BCR: variants seen among roughly 807,000 people sequenced by gnomAD.
BCR encodes breakpoint cluster region protein.
In BCR, 58 loss-of-function variants were observed where a neutral mutation model predicts 138.6. The observed-to-expected ratio is 0.42, with a 90% CI of 0.34 to 0.52. The LOEUF is 0.52. Among genes scored for constraint, BCR ranks in the 20% least tolerant of loss-of-function variants. BCR has a pLI of 0.06. For missense variants in BCR, 1,599 were observed against 1,727.2 expected (o/e 0.93, Z 1.32); for synonymous variants, 786 against 730.1 (o/e 1.08, Z -1.23).
At chr22:23,209,558 T>TATTTTA (rs1166774415) in intron 1 of BCR, among the ~76,000 whole-genome samples, 1 of 151,758 alleles carries the variant, frequency 6.6e-6, no homozygotes, top group African/African-American at 2.4e-5. Flanking sequence ...TATTTTATTT[T>TATTTTA]TTTGAGATGG....
At chr22:23,273,244 C>A in intron 7 of BCR, 111 bp downstream of exon 7, 1 of 1,207,040 alleles carries the variant, frequency 8.3e-7, no homozygotes, top group Non-Finnish European at 1.2e-6. Flanking sequence ...CAAGGGGGTG[C>A]TACTGGCATC....
At chr22:23,215,248 G>A (rs766113492) in intron 1 of BCR, among the ~76,000 whole-genome samples, 7 of 152,196 alleles carry the variant, frequency 4.6e-5, no homozygotes, top group Non-Finnish European at 8.8e-5. Context: ...ATGGACACCT[G>A]GCTTGTTTCT....
intron 1 of BCR, among the ~76,000 whole-genome samples, chr22:23,234,308 T>C (rs1200326891): frequency 2.0e-5 from 3 of 152,186 alleles, no homozygotes; most frequent in Non-Finnish European, 4.4e-5. Flanking sequence ...TGTGAAGTTA[T>C]TTACTTCATC....
In BCR at chr22:23,305,220, CTG is replaced by C. The variant is rs576599251; in HGVS notation, c.3013-4203_3013-4202del. 1.8e-3 allele frequency among the ~76,000 whole-genome samples: 274 copies of C among 149,506 alleles called. 4 individuals carry two copies. Among genetic ancestry groups the C allele is most frequent in the African/African-American group, 6.4e-3 (258 of 40,164 alleles). On this transcript the variant is annotated intron_variant, in intron 16 of 22. Transcript: ENST00000305877. The stretch of plus-strand genomic sequence containing the variant: ...CTCTCCTGGTGAACACAGAGGTTCT[CTG>C]GTGGTCTCAGCAAAGACCCACCCCC...
At position 23,237,057 on chromosome 22, in the gene BCR, G is replaced by A. The variant is rs544309580; in HGVS notation, c.1280-16742G>A. The stretch of plus-strand genomic sequence containing the variant: ...CTCTGAGAGCCTTTCCGGTTGCCAC[G>A]GTTCTCCCAGGATCGTGGAGTTCTT... On this transcript the variant is annotated intron_variant, in intron 1 of 22. Transcript: ENST00000305877. Among the ~76,000 whole-genome samples the A allele has an allele frequency of 4.6e-5, 7 of 152,338 alleles. No individual in the cohort carries two copies. The South Asian group carries it at 6.2e-4, about 14-fold the overall frequency.
Position 23,284,277 on chromosome 22 carries a change from G to T in BCR, c.2237+179G>T, listed in dbSNP as rs2073684181. On this transcript the variant is annotated intron_variant, in intron 9 of 22. Transcript: ENST00000305877. ...ACTAGCAATCTGGAGACGTCATGGG[G>T]CATCAGGGTGACCAGCTTTGACTCC... 2.0e-5 allele frequency among the ~76,000 whole-genome samples: 3 copies of T among 152,028 alleles called. No homozygotes were observed. The South Asian group carries it at 6.2e-4, about 32-fold the overall frequency.
intron 4 of BCR, 73 bp downstream of exon 4, chr22:23,261,613 G>A: frequency 6.5e-7 from 1 of 1,529,468 alleles, no homozygotes; most frequent in Non-Finnish European, 8.9e-7. Flanking sequence ...TGCATTTTTA[G>A]TAGAGACAGG....
rs2072666426 is a variant in BCR, at chr22:23,210,332, G to T, written c.1279+28093G>T. ...CTTGAGAAACTGAGGTGGGAAGATA[G>T]CTTGAGCCCGGGAGGTCGAGGTTGC... On this transcript the variant is annotated intron_variant, in intron 1 of 22. Transcript: ENST00000305877. Among the ~76,000 whole-genome samples, 3 of 151,816 alleles carry T rather than the reference G, an allele frequency of 2.0e-5. No individual in the cohort carries two copies. The South Asian group carries it at 6.2e-4, about 32-fold the overall frequency.
At chr22:23,258,653 T>C (rs2073322621) in intron 2 of BCR, among the ~76,000 whole-genome samples, 1 of 152,186 alleles carries the variant, frequency 6.6e-6, no homozygotes, top group Non-Finnish European at 1.5e-5. Context: ...GGAGACATTG[T>C]GGCTGCCACA....
chr22:23,208,624 G>C (rs561425182), intron 1 of BCR, among the ~76,000 whole-genome samples: 1 of 152,072 alleles, frequency 6.6e-6, no homozygotes, highest in Non-Finnish European at 1.5e-5. Context: ...AGTTCGAGGC[G>C]GGCAGACCAC....
At chr22:23,217,335 GCAGAA>G (rs2072766803) in intron 1 of BCR, among the ~76,000 whole-genome samples, 1 of 152,350 alleles carries the variant, frequency 6.6e-6, no homozygotes, top group Non-Finnish European at 1.5e-5. Flanking sequence ...CTCGGCCAGT[GCAGAA>G]CCTCTGCAGC....
intron 2 of BCR, among the ~76,000 whole-genome samples, chr22:23,255,161 G>A (rs1000056743): frequency 1.3e-5 from 2 of 152,164 alleles, no homozygotes; most frequent in East Asian, 1.9e-4. Context: ...TTAGCTGCAC[G>A]CCTGGGACTG....
At position 23,315,669 on chromosome 22, in the gene BCR, G is replaced by T; in HGVS notation, c.*147G>T. On this transcript the variant is annotated 3_prime_UTR_variant, in exon 23 of 23. Coordinates refer to ENST00000305877, the MANE Select transcript of BCR (RefSeq NM_004327.4). ...TGCCAAGAGACAGCGACCCAAAGCC[G>T]AAGGACAGGTGGCCTGGAAAGATCC... 2 of 796,596 alleles carry T rather than the reference G, an allele frequency of 2.5e-6. No homozygotes were observed. Among genetic ancestry groups the T allele is most frequent in the Non-Finnish European group, 4.3e-6 (2 of 467,138 alleles). 49.3% of individuals were successfully genotyped at this position (796,596 alleles called of 1,614,324 possible).
chr22:23,221,937 A>G (rs2072828842), intron 1 of BCR, among the ~76,000 whole-genome samples: 2 of 152,032 alleles, frequency 1.3e-5, no homozygotes, highest in African/African-American at 4.8e-5. Flanking sequence ...TGAAAAGACA[A>G]AAAATTAGCT....
chr22:23,303,996 G>A (rs2073930609), intron 16 of BCR, among the ~76,000 whole-genome samples: 1 of 141,718 alleles, frequency 7.1e-6, no homozygotes, highest in African/African-American at 2.7e-5. Context: ...GTACAGTGGT[G>A]CAACCACACT....
At chr22:23,281,137 A>T (rs2073639160) in intron 8 of BCR, among the ~76,000 whole-genome samples, 1 of 152,228 alleles carries the variant, frequency 6.6e-6, no homozygotes, top group Non-Finnish European at 1.5e-5. Context: ...GACGCAGAGC[A>T]CATAGGATCT....
At chr22:23,226,485 C>T (rs1406318180) in intron 1 of BCR, among the ~76,000 whole-genome samples, 2 of 152,156 alleles carry the variant, frequency 1.3e-5, no homozygotes, top group African/African-American at 4.8e-5. Context: ...AGAGAGGTTC[C>T]TAAGCTTCAT....
At chr22:23,202,868 T>G (rs547269869) in intron 1 of BCR, among the ~76,000 whole-genome samples, 10 of 152,100 alleles carry the variant, frequency 6.6e-5, no homozygotes, top group African/African-American at 1.2e-4. Flanking sequence ...GGGGTTTTTT[T>G]TTTGTTTGTT....
rs191972165 is a variant in BCR at position 23,232,979 on chromosome 22, C to T, written c.1280-20820C>T. Among the ~76,000 whole-genome samples the T allele has an allele frequency of 1.8e-4, 28 of 152,256 alleles. 1 individual carries two copies. Among genetic ancestry groups the T allele is most frequent in the African/African-American group, 7.2e-5 (3 of 41,560 alleles). On this transcript the variant is annotated intron_variant, in intron 1 of 22. Transcript: ENST00000305877. ...GACATTTTTCTGCGAGGTGGGGGATCGCATTGAGGGAAGAAAAGGTGCTCT... is the reference window on the plus strand; with the variant it reads ...GACATTTTTCTGCGAGGTGGGGGATTGCATTGAGGGAAGAAAAGGTGCTCT...
Sources: allele counts gnomAD v4.1 joint callset (sites outside exome capture counted in the v4.1 genomes callset), GRCh38; gene constraint gnomAD v4.1.1; transcripts MANE v1.5; gene names NCBI Gene and HGNC (gene_info 2026-07-23, HGNC 2026-07-21).